The following DYNC1I1 variants were observed in gnomAD, a reference collection of about 807,000 sequenced individuals.
The protein encoded by DYNC1I1 is dynein cytoplasmic 1 intermediate chain 1.
In DYNC1I1, 43 loss-of-function variants were observed where a neutral mutation model predicts 86.6. The ratio of observed to expected loss-of-function variants is 0.50; its 90% CI spans 0.39 to 0.64. The LOEUF (loss-of-function observed/expected upper bound fraction) is 0.64, where lower values mean the gene tolerates loss of function less well. Among genes scored for constraint, DYNC1I1 ranks in the 30% least tolerant of loss-of-function variants. The pLI, the probability that DYNC1I1 is intolerant of heterozygous loss-of-function variation, is 0.00. For missense variants in DYNC1I1, 604 were observed against 788.8 expected (o/e 0.77, Z 2.81); for synonymous variants, 262 against 283.7 (o/e 0.92, Z 0.77).
intron 5 of DYNC1I1, among the ~76,000 whole-genome samples, chr7:95,838,054 A>G (rs754637356): frequency 2.0e-5 from 3 of 152,174 alleles, no homozygotes; most frequent in Non-Finnish European, 2.9e-5. Flanking sequence ...CCGCTTGTCT[A>G]CTTTTGCCTT....
At chr7:95,926,071 CA>C (rs1357231114) in intron 6 of DYNC1I1, among the ~76,000 whole-genome samples, 12 of 152,216 alleles carry the variant, frequency 7.9e-5, no homozygotes, top group African/African-American at 2.9e-4. Flanking sequence ...GAGAGTGCTA[CA>C]GGAGTTAAAA....
At chr7:95,899,024 G>T (rs1790964826) in intron 6 of DYNC1I1, among the ~76,000 whole-genome samples, 1 of 152,042 alleles carries the variant, frequency 6.6e-6, no homozygotes, top group Non-Finnish European at 1.5e-5. Flanking sequence ...CCAAGTAAAG[G>T]TAGGCTTTTT....
chr7:95,849,472 T>A (rs950626597), intron 5 of DYNC1I1, among the ~76,000 whole-genome samples: 4 of 152,164 alleles, frequency 2.6e-5, no homozygotes, highest in Non-Finnish European at 5.9e-5. Context: ...TTGCAAAGAC[T>A]GTTCTTTCCC....
intron 6 of DYNC1I1, among the ~76,000 whole-genome samples, chr7:95,871,258 A>C (rs1370800857): frequency 6.6e-6 from 1 of 152,216 alleles, no homozygotes; most frequent in Non-Finnish European, 1.5e-5. Context: ...GAATTTTAGA[A>C]GCAAACAAGT....
At position 95,984,856 on chromosome 7, in the gene DYNC1I1, C is replaced by A. The variant is rs17853120; in HGVS notation, c.622C>A (p.Leu208Ile). The change falls in exon 8 of 17, where the codon CTT becomes ATT. Residue 208 changes from leucine (L) to isoleucine (I), a missense_variant. Physicochemically the swap from Leu to Ile is conservative, Grantham distance 5 (BLOSUM62 2). Transcript: ENST00000447467. The part of the protein sequence containing the change: ...ELTEEEKQQI[L>I]HSEEFLIFFD... Reference sequence around the variant, plus strand: ...GACAGAGGAAGAAAAACAGCAGATCCTTCATTCAGAGGAATTTCTCATCTT... The same window carrying A: ...GACAGAGGAAGAAAAACAGCAGATCATTCATTCAGAGGAATTTCTCATCTT... The A allele has an allele frequency of 6.2e-7, 1 of 1,612,666 alleles. No individual in the cohort carries two copies. Among genetic ancestry groups the A allele is most frequent in the African/African-American group, 1.3e-5 (1 of 74,826 alleles).
intron 6 of DYNC1I1, among the ~76,000 whole-genome samples, chr7:95,924,226 C>G (rs1032586243): frequency 2.0e-5 from 3 of 152,130 alleles, no homozygotes; most frequent in African/African-American, 7.2e-5. Context: ...TGTCCCATTG[C>G]TTTGGTAGTC....
chr7:95,937,054 A>C (rs1459701297), intron 6 of DYNC1I1, among the ~76,000 whole-genome samples: 1 of 151,866 alleles, frequency 6.6e-6, no homozygotes, highest in East Asian at 1.9e-4. Context: ...TGAGGACATT[A>C]TGCTAAGTGG....
At chr7:95,892,321 T>TC (rs1562935583) in intron 6 of DYNC1I1, among the ~76,000 whole-genome samples, 1 of 151,548 alleles carries the variant, frequency 6.6e-6, no homozygotes, top group South Asian at 2.1e-4. Flanking sequence ...TAATTTTTCT[T>TC]CCCCCCGAGA....
At chr7:96,075,728 T>C (rs1790312335) in intron 14 of DYNC1I1, among the ~76,000 whole-genome samples, 1 of 152,124 alleles carries the variant, frequency 6.6e-6, no homozygotes, top group Non-Finnish European at 1.5e-5. Context: ...TCCGAGCATC[T>C]CGCAAAGCGT....
At chr7:95,906,589 G>A (rs77478229) in intron 6 of DYNC1I1, among the ~76,000 whole-genome samples, 11,741 of 151,202 alleles carry the variant, frequency 0.078, 727 homozygotes, top group Admixed American at 0.22. Context: ...CCTAGAATTA[G>A]CCTTAATTTT....
intron 1 of DYNC1I1, among the ~76,000 whole-genome samples, chr7:95,775,078 T>C (rs1377123154): frequency 2.0e-5 from 3 of 152,250 alleles, no homozygotes; most frequent in Non-Finnish European, 4.4e-5. Context: ...AGGTGTTAAC[T>C]TATTTAAACA....
At chr7:95,976,637 A>G (rs1424811690) in intron 6 of DYNC1I1, among the ~76,000 whole-genome samples, 3 of 152,232 alleles carry the variant, frequency 2.0e-5, no homozygotes, top group Non-Finnish European at 4.4e-5. Flanking sequence ...AATGAAATCA[A>G]TAACCTACAT....
intron 3 of DYNC1I1, among the ~76,000 whole-genome samples, chr7:95,810,869 T>C (rs1363192723): frequency 1.3e-5 from 2 of 152,138 alleles, no homozygotes; most frequent in Non-Finnish European, 2.9e-5. Flanking sequence ...AGTTCCAGTG[T>C]CTCTTTGCCA....
At chr7:95,992,745 G>A (rs1793762671) in intron 9 of DYNC1I1, among the ~76,000 whole-genome samples, 2 of 151,892 alleles carry the variant, frequency 1.3e-5, no homozygotes, top group East Asian at 1.9e-4. Flanking sequence ...TCAGCCTCCC[G>A]AGTAGCTGGG....
intron 10 of DYNC1I1, among the ~76,000 whole-genome samples, chr7:96,000,546 G>C (rs112947151): frequency 6.6e-6 from 1 of 152,200 alleles, no homozygotes; most frequent in Non-Finnish European, 1.5e-5. Context: ...GGGAATACCA[G>C]TATACATGGT....
intron 10 of DYNC1I1, among the ~76,000 whole-genome samples, chr7:96,000,937 C>A (rs540524942): frequency 2.6e-5 from 4 of 152,156 alleles, no homozygotes; most frequent in African/African-American, 9.7e-5. Context: ...GAAGAGGATA[C>A]CATGAGAATA....
At chr7:95,856,475 TATTAATG>T (rs1789727487) in intron 5 of DYNC1I1, among the ~76,000 whole-genome samples, 1 of 152,256 alleles carries the variant, frequency 6.6e-6, no homozygotes, top group East Asian at 1.9e-4. Context: ...CATTCCTTTC[TATTAATG>T]AAAACATTTT....
chr7:95,779,625 T>C (rs112006656), intron 1 of DYNC1I1, among the ~76,000 whole-genome samples: 163 of 152,368 alleles, frequency 1.1e-3, no homozygotes, highest in African/African-American at 3.6e-3. Flanking sequence ...TTCGTATTTC[T>C]CCTAGACTTT....
intron 4 of DYNC1I1, among the ~76,000 whole-genome samples, chr7:95,823,062 A>C (rs1795115254): frequency 6.6e-6 from 1 of 152,212 alleles, no homozygotes; most frequent in African/African-American, 2.4e-5. Context: ...CAAGGAGAGA[A>C]GACTTTGTTA....
Sources: allele counts gnomAD v4.1 joint callset (sites outside exome capture counted in the v4.1 genomes callset), GRCh38; gene constraint gnomAD v4.1.1; transcripts MANE v1.5; gene names NCBI Gene and HGNC (gene_info 2026-07-23, HGNC 2026-07-21).